The following IL1RAPL1 variants were observed in gnomAD, a reference collection of about 807,000 sequenced individuals.
The protein encoded by IL1RAPL1 is interleukin-1 receptor accessory protein-like 1.
A neutral mutation model predicts 48.4 loss-of-function variants in IL1RAPL1; 3 were observed. The ratio of observed to expected loss-of-function variants is 0.06; its 90% CI spans 0.03 to 0.16. IL1RAPL1 has a LOEUF of 0.16. Ranked by LOEUF, IL1RAPL1 falls within the 10% of genes least tolerant of loss-of-function variation. IL1RAPL1 has a pLI of 1.00. For synonymous variants in IL1RAPL1, 185 were observed against 187.7 expected (o/e 0.99, Z 0.12); for missense variants, 349 against 530.6 (o/e 0.66, Z 3.36).
At chrX:29,201,300 C>A (rs1184225032) in intron 2 of IL1RAPL1, among the ~76,000 whole-genome samples, 2 of 110,955 alleles carry the variant, frequency 1.8e-5, no homozygotes, top group Non-Finnish European at 3.8e-5. Context: ...TTATATTTTT[C>A]ATTGCCTATT....
chrX:28,791,858 C>T (rs1304120841), intron 2 of IL1RAPL1, among the ~76,000 whole-genome samples: 2 of 111,507 alleles, frequency 1.8e-5, no homozygotes, highest in African/African-American at 6.5e-5. Context: ...GTTCCTGTGG[C>T]ACCTTTGTTT....
intron 1 of IL1RAPL1, among the ~76,000 whole-genome samples, chrX:28,593,724 A>C (rs1319638599): frequency 9.0e-6 from 1 of 111,595 alleles, no homozygotes; most frequent in Non-Finnish European, 1.9e-5. Context: ...TTTGAATTAT[A>C]ATTATAATAA....
At chrX:29,583,029 A>G (rs1278861654) in intron 5 of IL1RAPL1, among the ~76,000 whole-genome samples, 1 of 97,475 alleles carries the variant, frequency 1.0e-5, no homozygotes, top group Non-Finnish European at 2.0e-5. Flanking sequence ...AAGTGTTCCT[A>G]TTTCTCCACA....
intron 2 of IL1RAPL1, among the ~76,000 whole-genome samples, chrX:29,080,994 T>TCTCTCTC (rs1927809544): frequency 1.4e-3 from 37 of 26,437 alleles, no homozygotes; most frequent in South Asian, 3.1e-3. Flanking sequence ...CTTTCTTTCT[T>TCTCTCTC]TCTCTCTCTC....
chrX:28,785,150 G>A (rs936239223), intron 1 of IL1RAPL1, among the ~76,000 whole-genome samples: 7 of 111,881 alleles, frequency 6.3e-5, no homozygotes, highest in Middle Eastern at 4.7e-3. Flanking sequence ...TTCGAGACAG[G>A]ATCTCACTCT....
intron 2 of IL1RAPL1, among the ~76,000 whole-genome samples, chrX:28,914,955 G>A (rs988342506): frequency 8.9e-6 from 1 of 112,156 alleles, no homozygotes; most frequent in Non-Finnish European, 1.9e-5. Flanking sequence ...GAAAACTGTA[G>A]ATCAGTGGCC....
At chrX:28,782,364 G>C (rs1226074712) in intron 1 of IL1RAPL1, among the ~76,000 whole-genome samples, 1 of 111,517 alleles carries the variant, frequency 9.0e-6, no homozygotes, top group African/African-American at 3.2e-5. Flanking sequence ...AATTGATAAA[G>C]TAGTCAATAT....
At chrX:28,601,429 CAA>C (rs1419030565) in intron 1 of IL1RAPL1, among the ~76,000 whole-genome samples, 1 of 110,585 alleles carries the variant, frequency 9.0e-6, no homozygotes, top group African/African-American at 3.3e-5. Context: ...CATCTCAAAA[CAA>C]AACAAAACAA....
chrX:28,816,242 G>A (rs1601915600), intron 2 of IL1RAPL1, among the ~76,000 whole-genome samples: 1 of 109,478 alleles, frequency 9.1e-6, no homozygotes, highest in Middle Eastern at 4.6e-3. Flanking sequence ...TGTTTTTAAA[G>A]TAATTTTAAC....
rs1601825935 is a variant in IL1RAPL1, at chrX:28,587,541, T to C, written c.-531T>C. On this transcript the variant is annotated 5_prime_UTR_variant, in exon 1 of 11. Coordinates refer to ENST00000378993, the MANE Select transcript of IL1RAPL1 (RefSeq NM_014271.4). ...TATGGCTGCATCCCGGATCTGGAAA[T>C]TTTACTTGGGGACCAGGAGGATTTG... is the stretch of plus-strand genomic sequence containing the variant. 9.1e-6 allele frequency: 1 copy of C among 110,218 alleles called. No individual in the cohort carries two copies. The allele number at this position is 110,218 out of a possible 1,213,427, so 9.1% of individuals were successfully genotyped here.
chrX:29,556,647 CAA>C (rs11342018), intron 5 of IL1RAPL1, among the ~76,000 whole-genome samples: 32 of 54,047 alleles, frequency 5.9e-4, no homozygotes, highest in Admixed American at 4.6e-4. Flanking sequence ...GACTCTGCCT[CAA>C]AAAAAAAAAA....
At chrX:28,840,824 C>CAGT (rs759161087) in intron 2 of IL1RAPL1, among the ~76,000 whole-genome samples, 170 of 110,454 alleles carry the variant, frequency 1.5e-3, no homozygotes, top group African/African-American at 5.2e-3. Flanking sequence ...GAGACAGATA[C>CAGT]AGTAGTAACT....
chrX:29,267,576 T>A (rs1376449392), intron 2 of IL1RAPL1, among the ~76,000 whole-genome samples: 3 of 111,829 alleles, frequency 2.7e-5, no homozygotes, highest in Non-Finnish European at 5.6e-5. Context: ...GTTGTTTTTC[T>A]ACTTGTGCCC....
intron 2 of IL1RAPL1, among the ~76,000 whole-genome samples, chrX:29,203,513 G>A (rs1251437441): frequency 9.1e-6 from 1 of 109,379 alleles, no homozygotes. Flanking sequence ...CTGATGTTGG[G>A]AGTTCGAGAC....
chrX:29,090,619 G>A (rs1257096659), intron 2 of IL1RAPL1, among the ~76,000 whole-genome samples: 1 of 111,859 alleles, frequency 8.9e-6, no homozygotes, highest in Non-Finnish European at 1.9e-5. Context: ...GTTTTTCACC[G>A]AGTCTAAATG....
intron 1 of IL1RAPL1, among the ~76,000 whole-genome samples, chrX:28,700,717 C>T (rs1238221452): frequency 1.8e-5 from 2 of 110,387 alleles, no homozygotes; most frequent in Non-Finnish European, 3.8e-5. Context: ...TCCCACCCTC[C>T]GACAGGCCCC....
chrX:29,392,735 A>G (rs1357206889), intron 3 of IL1RAPL1, among the ~76,000 whole-genome samples: 1 of 111,959 alleles, frequency 8.9e-6, no homozygotes, highest in Non-Finnish European at 1.9e-5. Context: ...AAGAAGAGAA[A>G]GAGGTGATGG....
intron 1 of IL1RAPL1, among the ~76,000 whole-genome samples, chrX:28,771,949 A>G (rs1481092179): frequency 9.2e-6 from 1 of 109,280 alleles, no homozygotes; most frequent in Non-Finnish European, 1.9e-5. Context: ...AAAAAAAAAA[A>G]AAAAAAAAAA....
At position 28,782,981 on chromosome X, in the gene IL1RAPL1, C is replaced by T. The variant is rs10126301; in HGVS notation, c.-24-6339C>T. On this transcript the variant is annotated intron_variant, in intron 1 of 10. Coordinates refer to ENST00000378993, the MANE Select transcript of IL1RAPL1 (RefSeq NM_014271.4). ...TCATCAACTCTTTGTAATACAAAACCGGTTTTGACAGTCTGTTCTTTAAGC... is the reference window on the plus strand; with the variant it reads ...TCATCAACTCTTTGTAATACAAAACTGGTTTTGACAGTCTGTTCTTTAAGC... Among the ~76,000 whole-genome samples the T allele has an allele frequency of 7.3e-3, 807 of 111,046 alleles. 6 individuals carry two copies. The highest frequency in any genetic ancestry group is 0.025 in the African/African-American group (757 of 30,611).
Sources: gnomAD v4.1 joint callset for allele counts (sites outside exome capture counted in the v4.1 genomes callset) on GRCh38, gnomAD v4.1.1 for gene constraint, MANE v1.5 for transcripts, NCBI Gene and HGNC (gene_info 2026-07-23, HGNC 2026-07-21) for gene names.